Variants in NBAS observed in about 807,000 individuals in gnomAD.
The protein encoded by NBAS is NAG/BC035112 fusion.
NBAS carries 219 observed loss-of-function variants against 302.5 expected under a neutral mutation model. The observed-to-expected ratio is 0.72, with a 90% CI of 0.65 to 0.81. NBAS has a LOEUF of 0.81. Ranked by LOEUF, NBAS falls within the 30% of genes least tolerant of loss-of-function variation. The pLI, the probability that NBAS is intolerant of heterozygous loss-of-function variation, is 0.00. For synonymous variants in NBAS, 1,118 were observed against 1,021.6 expected, an observed-to-expected ratio of 1.09 and a Z score of -1.80; for missense variants, 2,932 against 2,841.6, an observed-to-expected ratio of 1.03 and a Z score of -0.72.
At chr2:15,363,134 A>G (rs960077832) in intron 32 of NBAS, among the ~76,000 whole-genome samples, 4 of 152,196 alleles carry the variant, frequency 2.6e-5, no homozygotes, top group Admixed American at 2.6e-4. Flanking sequence ...CCTGTGAATG[A>G]CAGCTTCAGG....
At chr2:15,119,627 C>G in the NBAS span, among the ~76,000 whole-genome samples, 1 of 152,128 alleles carries the variant, frequency 6.6e-6, no homozygotes, top group Non-Finnish European at 1.5e-5. Context: ...GTGTGAGCCA[C>G]CGTGCCTAGC....
chr2:15,031,175 C>A, the NBAS span, among the ~76,000 whole-genome samples: 8 of 152,172 alleles, frequency 5.3e-5, no homozygotes, highest in Non-Finnish European at 8.8e-5. Flanking sequence ...GGTCATGAAG[C>A]AATTTATGAT....
intron 30 of NBAS, among the ~76,000 whole-genome samples, chr2:15,378,900 T>C (rs74626542): frequency 0.014 from 2,066 of 152,304 alleles, 33 homozygotes; most frequent in East Asian, 0.06. Context: ...ACAGAGGTGA[T>C]ACATGTTTTA....
At chr2:14,934,810 AAT>A in the NBAS span, among the ~76,000 whole-genome samples, 1 of 152,164 alleles carries the variant, frequency 6.6e-6, no homozygotes, top group Non-Finnish European at 1.5e-5. Context: ...CTGGACATAG[AAT>A]TCTAGATCCA....
chr2:14,896,593 T>C, the NBAS span, among the ~76,000 whole-genome samples: 1 of 152,132 alleles, frequency 6.6e-6, no homozygotes, highest in Middle Eastern at 3.4e-3. Flanking sequence ...ATTTTTTTTT[T>C]CCCTGAGATT....
At chr2:15,433,693 AT>A (rs1677871597) in intron 21 of NBAS, among the ~76,000 whole-genome samples, 1 of 152,222 alleles carries the variant, frequency 6.6e-6, no homozygotes, top group African/African-American at 2.4e-5. Flanking sequence ...AAGTTTTAAA[AT>A]TAGTTTTTAC....
At chr2:15,021,953 G>T in the NBAS span, among the ~76,000 whole-genome samples, 1 of 151,974 alleles carries the variant, frequency 6.6e-6, no homozygotes, top group South Asian at 2.1e-4. Flanking sequence ...ATGGAGAATT[G>T]TAGGCAGAAG....
intron 51 of NBAS, among the ~76,000 whole-genome samples, chr2:15,171,805 A>G (rs1025032489): frequency 2.0e-5 from 3 of 152,212 alleles, no homozygotes; most frequent in African/African-American, 7.2e-5. Context: ...TTACAAGAAG[A>G]GAAGACAGGA....
chr2:15,353,594 T>A lies in NBAS; in HGVS notation c.4048A>T (p.Ile1350Phe), dbSNP rs772824866. 2 of 1,613,954 alleles carry A rather than the reference T, an allele frequency of 1.2e-6. No homozygotes were observed. Among genetic ancestry groups the A allele is most frequent in the Admixed American group, 1.7e-5 (1 of 60,000 alleles). Residue 1350 changes from isoleucine (I) to phenylalanine (F), a missense_variant, in exon 34 of 52, where the codon ATT becomes TTT. Ile to Phe is a conservative substitution (Grantham distance 21). Transcript: ENST00000281513. ...FALTHCPPSS[I>F]ELLLAASSSL... ...CTGCTAGCTGCCAAAAGAAGTTCAA[T>A]GCTGCTAGGAGGGCAATGTGTCAAA...
chr2:15,082,005 T>C, the NBAS span, among the ~76,000 whole-genome samples: 1 of 152,194 alleles, frequency 6.6e-6, no homozygotes. Context: ...AGAATAATGA[T>C]ATCTATCTAC....
At chr2:15,013,573 C>G in the NBAS span, among the ~76,000 whole-genome samples, 1 of 152,050 alleles carries the variant, frequency 6.6e-6, no homozygotes. Context: ...CATTTGAGGT[C>G]AGGAGTTCAA....
intron 5 of NBAS, 49 bp downstream of exon 5, chr2:15,553,377 C>A (rs1419973697): frequency 4.7e-6 from 7 of 1,492,532 alleles, no homozygotes; most frequent in Non-Finnish European, 9.3e-7. Context: ...TATAGAGTAA[C>A]AAATATTTCT....
chr2:15,106,955 T>C, the NBAS span, among the ~76,000 whole-genome samples: 2 of 152,076 alleles, frequency 1.3e-5, no homozygotes, highest in South Asian at 2.1e-4. Context: ...CTGAGGTATT[T>C]GCACATCAAT....
chr2:15,473,433 C>A, intron 15 of NBAS, 86 bp from the exon 16 acceptor site: 1 of 1,524,762 alleles, frequency 6.6e-7, no homozygotes, highest in African/African-American at 1.4e-5. Flanking sequence ...TGATGATAAT[C>A]CCTTGGACTT....
chr2:14,976,400 T>G, the NBAS span, among the ~76,000 whole-genome samples: 24 of 152,340 alleles, frequency 1.6e-4, no homozygotes, highest in Non-Finnish European at 2.2e-4. Flanking sequence ...AAGTTGTGCA[T>G]GTGCACAAGG....
At chr2:14,819,689 A>G in the NBAS span, among the ~76,000 whole-genome samples, 2 of 152,224 alleles carry the variant, frequency 1.3e-5, no homozygotes, top group African/African-American at 4.8e-5. Flanking sequence ...AAAAGCTTCT[A>G]CACAGCAAAG....
the NBAS span, among the ~76,000 whole-genome samples, chr2:15,037,863 A>C: frequency 1.3e-5 from 2 of 152,066 alleles, no homozygotes; most frequent in African/African-American, 4.8e-5. Context: ...ATTAAAACTC[A>C]GGTTTCAGTC....
the NBAS span, among the ~76,000 whole-genome samples, chr2:14,793,546 A>G: frequency 6.6e-6 from 1 of 152,186 alleles, no homozygotes; most frequent in Non-Finnish European, 1.5e-5. Context: ...ATTAATAATA[A>G]GAAGAGTCTC....
chr2:15,093,877 A>T, the NBAS span, among the ~76,000 whole-genome samples: 1 of 152,226 alleles, frequency 6.6e-6, no homozygotes, highest in Admixed American at 6.5e-5. Context: ...AGTTTATTAC[A>T]ATGAAAATAC....
Sources: gnomAD v4.1 joint callset for allele counts (sites outside exome capture counted in the v4.1 genomes callset) on GRCh38, gnomAD v4.1.1 for gene constraint, MANE v1.5 for transcripts, NCBI Gene and HGNC (gene_info 2026-07-23, HGNC 2026-07-21) for gene names.